The following RBFOX1 variants were observed in gnomAD, a reference collection of about 807,000 sequenced individuals.
The protein encoded by RBFOX1 is RNA binding fox-1 homolog 1.
Under a neutral mutation model 57.7 loss-of-function variants are expected in RBFOX1, and 8 were observed. That is an observed-to-expected ratio of 0.14 (90% confidence interval 0.08 to 0.25). The LOEUF (loss-of-function observed/expected upper bound fraction) is 0.25, where lower values mean the gene tolerates loss of function less well. Ranked by LOEUF, RBFOX1 falls within the 10% of genes least tolerant of loss-of-function variation. RBFOX1 has a pLI of 1.00. For missense variants in RBFOX1, 611 were observed against 548.5 expected (o/e 1.11, Z -1.14); for synonymous variants, 326 against 222.4 (o/e 1.47, Z -4.15).
At chr16:7,524,719 G>A (rs964123127) in intron 5 of RBFOX1, among the ~76,000 whole-genome samples, 1 of 152,152 alleles carries the variant, frequency 6.6e-6, no homozygotes, top group East Asian at 1.9e-4. Flanking sequence ...TTCTTCTTTG[G>A]CCTCAGCCGC....
At chr16:6,843,770 T>C (rs1199506751) in intron 3 of RBFOX1, among the ~76,000 whole-genome samples, 1 of 152,346 alleles carries the variant, frequency 6.6e-6, no homozygotes, top group East Asian at 1.9e-4. Context: ...TTTAGGAACG[T>C]ATCCTTCACT....
chr16:5,632,018 A>G (rs761761216), intron 3 of RBFOX1, among the ~76,000 whole-genome samples: 1 of 152,128 alleles, frequency 6.6e-6, no homozygotes, highest in Non-Finnish European at 1.5e-5. Context: ...TCACAGGAGG[A>G]TTGGATGTCT....
intron 4 of RBFOX1, among the ~76,000 whole-genome samples, chr16:7,306,369 C>G (rs111291774): frequency 3.3e-5 from 5 of 152,266 alleles, no homozygotes; most frequent in African/African-American, 9.6e-5. Flanking sequence ...CACCCCTGCT[C>G]TGGAAAGGGG....
At chr16:7,689,368 C>A (rs913947737) in intron 14 of RBFOX1, among the ~76,000 whole-genome samples, 1 of 152,082 alleles carries the variant, frequency 6.6e-6, no homozygotes, top group Non-Finnish European at 1.5e-5. Flanking sequence ...AATGAACTTG[C>A]AGATTTTTCA....
At chr16:6,093,720 C>G (rs557016416) in intron 1 of RBFOX1, among the ~76,000 whole-genome samples, 1 of 152,186 alleles carries the variant, frequency 6.6e-6, no homozygotes, top group East Asian at 1.9e-4. Flanking sequence ...CTCCTAGGCT[C>G]AAGCGATCCT....
intron 2 of RBFOX1, among the ~76,000 whole-genome samples, chr16:6,346,156 T>TG (rs1353106795): frequency 3.3e-5 from 5 of 152,142 alleles, no homozygotes; most frequent in Non-Finnish European, 7.3e-5. Flanking sequence ...CTTAGTAATT[T>TG]GGGGGGCCCA....
At chr16:5,339,641 G>A (rs1307937359) in intron 1 of RBFOX1, among the ~76,000 whole-genome samples, 2 of 151,774 alleles carry the variant, frequency 1.3e-5, no homozygotes, top group African/African-American at 2.4e-5. Flanking sequence ...ACCACATCTG[G>A]CTGATTTTTG....
At chr16:6,334,080 T>C (rs937151572) in intron 2 of RBFOX1, among the ~76,000 whole-genome samples, 1 of 152,140 alleles carries the variant, frequency 6.6e-6, no homozygotes, top group Admixed American at 6.5e-5. Flanking sequence ...TTTTCCTTGA[T>C]TAAAGAAGGA....
intron 1 of RBFOX1, among the ~76,000 whole-genome samples, chr16:5,452,707 G>A (rs1353771248): frequency 6.6e-6 from 1 of 151,538 alleles, no homozygotes; most frequent in Non-Finnish European, 1.5e-5. Context: ...GCAATGGCGT[G>A]GTCCTGGCTC....
intron 4 of RBFOX1, among the ~76,000 whole-genome samples, chr16:7,213,152 C>G (rs115067378): frequency 0.016 from 2,443 of 152,248 alleles, 56 homozygotes; most frequent in African/African-American, 0.056. Context: ...CCCGAACTCC[C>G]TAACCACCTC....
chr16:6,464,452 C>A (rs1023460657), intron 2 of RBFOX1, among the ~76,000 whole-genome samples: 1 of 152,190 alleles, frequency 6.6e-6, no homozygotes, highest in Non-Finnish European at 1.5e-5. Context: ...TGGATGACAG[C>A]AACAACAAGC....
intron 2 of RBFOX1, among the ~76,000 whole-genome samples, chr16:6,584,689 AG>A (rs1046427006): frequency 1.3e-5 from 2 of 152,026 alleles, no homozygotes; most frequent in Admixed American, 1.3e-4. Flanking sequence ...TTTAAAATAC[AG>A]CACCCCTGAA....
chr16:7,023,478 A>T (rs995047442), intron 3 of RBFOX1, among the ~76,000 whole-genome samples: 3 of 148,948 alleles, frequency 2.0e-5, no homozygotes, highest in Non-Finnish European at 4.4e-5. Flanking sequence ...AAAGAGAGAA[A>T]TGAATGATGG....
At chr16:6,856,318 C>G (rs2057892518) in intron 3 of RBFOX1, among the ~76,000 whole-genome samples, 1 of 152,094 alleles carries the variant, frequency 6.6e-6, no homozygotes, top group South Asian at 2.1e-4. Flanking sequence ...ATTCCCAATT[C>G]ATATTGTTTT....
chr16:6,487,700 A>T (rs58577154), intron 2 of RBFOX1, among the ~76,000 whole-genome samples: 36 of 16,214 alleles, frequency 2.2e-3, no homozygotes, highest in African/African-American at 5.3e-3. Context: ...AAAAAAAAAA[A>T]ATATATATAT....
rs191827377 is a variant in RBFOX1, at chr16:6,268,100, C to G, written c.-126-48895C>G. Among the ~76,000 whole-genome samples the G allele has an allele frequency of 9.8e-4, 149 of 152,276 alleles. 1 individual carries two copies. The highest frequency in any genetic ancestry group is 1.6e-3 in the Non-Finnish European group (106 of 68,020). On this transcript the variant is annotated intron_variant, in intron 1 of 15. Coordinates refer to ENST00000550418, the MANE Select transcript of RBFOX1 (RefSeq NM_018723.4). ...GCCTTGCACTGGGTAAACACAAACC[C>G]TCAGCTCAGTGTTTTAAAATGCATG...
At chr16:6,568,769 C>G (rs1567715045) in intron 2 of RBFOX1, among the ~76,000 whole-genome samples, 1 of 151,820 alleles carries the variant, frequency 6.6e-6, no homozygotes, top group Non-Finnish European at 1.5e-5. Context: ...GCTTATAACT[C>G]TTTTTTTTAT....
At chr16:6,586,805 G>A (rs926354793) in intron 2 of RBFOX1, among the ~76,000 whole-genome samples, 5 of 152,092 alleles carry the variant, frequency 3.3e-5, no homozygotes, top group African/African-American at 1.2e-4. Context: ...GCAGGGTTTT[G>A]TTTTAACTGC....
At chr16:7,444,791 CAA>C (rs1340531770) in intron 4 of RBFOX1, among the ~76,000 whole-genome samples, 1 of 152,146 alleles carries the variant, frequency 6.6e-6, no homozygotes, top group African/African-American at 2.4e-5. Flanking sequence ...CTCAGCCTTC[CAA>C]AGTGTTGGGG....
Sources: allele counts gnomAD v4.1 joint callset (sites outside exome capture counted in the v4.1 genomes callset), GRCh38; gene constraint gnomAD v4.1.1; transcripts MANE v1.5; gene names NCBI Gene and HGNC (gene_info 2026-07-23, HGNC 2026-07-21).